NEK11: variants seen among roughly 807,000 people sequenced by gnomAD.
The protein encoded by NEK11 is serine/threonine-protein kinase Nek11.
NEK11 carries 72 observed loss-of-function variants against 80.7 expected under a neutral mutation model. The observed-to-expected ratio is 0.89, with a 90% CI of 0.74 to 1.08. NEK11 has a LOEUF of 1.08. Among genes scored for constraint, NEK11 ranks in the 50% least tolerant of loss-of-function variants. The pLI is 0.00. For missense variants in NEK11, 764 were observed against 763.6 expected (o/e 1.00, Z -0.01); for synonymous variants, 251 against 260.7 (o/e 0.96, Z 0.36).
chr3:131,309,293 C>T (rs907011891), intron 17 of NEK11, among the ~76,000 whole-genome samples: 3 of 152,184 alleles, frequency 2.0e-5, no homozygotes, highest in African/African-American at 7.2e-5. Context: ...TCATTTTTCA[C>T]ATACTCTTTC....
intron 16 of NEK11, among the ~76,000 whole-genome samples, chr3:131,271,157 G>A (rs1400121894): frequency 1.3e-5 from 2 of 152,172 alleles, no homozygotes; most frequent in Non-Finnish European, 1.5e-5. Flanking sequence ...TTCTCTCCAG[G>A]TGTGGAAGGG....
chr3:131,256,454 T>C lies in NEK11; in HGVS notation c.1621+12958T>C, dbSNP rs549545905. Among the ~76,000 whole-genome samples the C allele has an allele frequency of 1.6e-3, 240 of 152,314 alleles. 2 individuals carry two copies. Among genetic ancestry groups the C allele is most frequent in the Non-Finnish European group, 1.4e-3 (96 of 68,016 alleles). On this transcript the variant is annotated intron_variant, in intron 16 of 17. Coordinates refer to ENST00000383366, the MANE Select transcript of NEK11 (RefSeq NM_024800.5). ...AAAACTTACTCTAACATAGGTCTTC[T>C]ACAAAGACTATGCACCAATATAGTG...
At chr3:131,153,161 G>T (rs2090019201) in intron 9 of NEK11, among the ~76,000 whole-genome samples, 1 of 152,198 alleles carries the variant, frequency 6.6e-6, no homozygotes, top group Non-Finnish European at 1.5e-5. Flanking sequence ...AATAAGGTGT[G>T]TGTGAACTCC....
chr3:131,124,305 T>C (rs2082909921), intron 5 of NEK11, among the ~76,000 whole-genome samples: 1 of 152,218 alleles, frequency 6.6e-6, no homozygotes, highest in Non-Finnish European at 1.5e-5. Flanking sequence ...TGGACTTAAC[T>C]TTCTATTATC....
chr3:131,192,505 A>C (rs1252395402), intron 14 of NEK11, among the ~76,000 whole-genome samples: 2 of 152,204 alleles, frequency 1.3e-5, no homozygotes, highest in Admixed American at 1.3e-4. Context: ...CAGCAGCACT[A>C]TTCACCATAG....
chr3:131,331,600 C>T (rs373738727), intron 17 of NEK11, among the ~76,000 whole-genome samples: 2 of 152,204 alleles, frequency 1.3e-5, no homozygotes, highest in Non-Finnish European at 2.9e-5. Context: ...GAGTGCCAGA[C>T]AGTGGGCGCA....
intron 7 of NEK11, among the ~76,000 whole-genome samples, chr3:131,146,787 A>G (rs2088401493): frequency 6.6e-6 from 1 of 151,964 alleles, no homozygotes. Context: ...TGTAATTCGC[A>G]CTTTTCTGAT....
At chr3:131,162,114 T>A (rs2091669034) in intron 10 of NEK11, among the ~76,000 whole-genome samples, 1 of 152,236 alleles carries the variant, frequency 6.6e-6, no homozygotes, top group African/African-American at 2.4e-5. Flanking sequence ...TACTCTTTAA[T>A]GGCCAAGATC....
chr3:131,106,299 T>C (rs2079170478), intron 4 of NEK11, among the ~76,000 whole-genome samples: 1 of 152,028 alleles, frequency 6.6e-6, no homozygotes, highest in Admixed American at 6.5e-5. Flanking sequence ...TTTTTTTTTT[T>C]TTCCCATCCT....
At chr3:131,061,537 G>A (rs2070868354) in intron 3 of NEK11, among the ~76,000 whole-genome samples, 1 of 151,988 alleles carries the variant, frequency 6.6e-6, no homozygotes, top group South Asian at 2.1e-4. Context: ...AGGACAGTGT[G>A]TACTTTTTTC....
At chr3:131,035,137 A>G (rs1025496275) in intron 3 of NEK11, among the ~76,000 whole-genome samples, 3 of 152,200 alleles carry the variant, frequency 2.0e-5, no homozygotes, top group African/African-American at 7.2e-5. Flanking sequence ...AAAGGCCTAC[A>G]AGTCCTTAAA....
chr3:131,104,619 C>T (rs952280566), intron 4 of NEK11, among the ~76,000 whole-genome samples: 3 of 152,102 alleles, frequency 2.0e-5, no homozygotes, highest in Admixed American at 6.6e-5. Flanking sequence ...TGATGAGGTA[C>T]AGTCTGCAGT....
chr3:131,254,258 T>A (rs1055675328), intron 16 of NEK11, among the ~76,000 whole-genome samples: 1 of 152,200 alleles, frequency 6.6e-6, no homozygotes, highest in Non-Finnish European at 1.5e-5. Context: ...GTGGTCGCAA[T>A]GTGTCAGTAA....
intron 16 of NEK11, among the ~76,000 whole-genome samples, chr3:131,256,176 T>C (rs2095812908): frequency 6.6e-6 from 1 of 152,152 alleles, no homozygotes; most frequent in Non-Finnish European, 1.5e-5. Flanking sequence ...AATATCATAT[T>C]GTACATTTCA....
chr3:131,128,573 T>G (rs933018907), intron 5 of NEK11, among the ~76,000 whole-genome samples: 1 of 152,244 alleles, frequency 6.6e-6, no homozygotes, highest in Non-Finnish European at 1.5e-5. Flanking sequence ...GACACTTTTG[T>G]TGCTTTCAAG....
intron 14 of NEK11, among the ~76,000 whole-genome samples, chr3:131,226,737 T>A (rs917869679): frequency 1.3e-5 from 2 of 152,086 alleles, no homozygotes; most frequent in African/African-American, 2.4e-5. Flanking sequence ...CAGTGTATAC[T>A]ACTCGGTGAG....
At chr3:131,138,381 C>A (rs1282226081) in intron 7 of NEK11, among the ~76,000 whole-genome samples, 1 of 152,084 alleles carries the variant, frequency 6.6e-6, no homozygotes, top group Non-Finnish European at 1.5e-5. Context: ...TGAGTGCCAG[C>A]ACAGCCACAG....
At chr3:131,168,449 C>T (rs1190126701) in intron 12 of NEK11, among the ~76,000 whole-genome samples, 1 of 149,976 alleles carries the variant, frequency 6.7e-6, no homozygotes, top group Admixed American at 6.6e-5. Flanking sequence ...CTCCGCCTCC[C>T]GGGTTCACGC....
chr3:131,028,523 T>C (rs2064242143), intron 2 of NEK11, among the ~76,000 whole-genome samples: 1 of 152,166 alleles, frequency 6.6e-6, no homozygotes, highest in Non-Finnish European at 1.5e-5. Flanking sequence ...ACTTTGTACC[T>C]ACTCATATGA....
Sources: allele counts gnomAD v4.1 joint callset (sites outside exome capture counted in the v4.1 genomes callset), GRCh38; gene constraint gnomAD v4.1.1; transcripts MANE v1.5; gene names NCBI Gene and HGNC (gene_info 2026-07-23, HGNC 2026-07-21).